The following COL18A1 variants were observed in gnomAD, a reference collection of about 807,000 sequenced individuals.
COL18A1 encodes the protein collagen type XVIII alpha 1 chain, also known as collagen alpha-1(XVIII) chain.
A neutral mutation model predicts 168.0 loss-of-function variants in COL18A1; 133 were observed. The ratio of observed to expected loss-of-function variants is 0.79; its 90% CI spans 0.69 to 0.91. COL18A1 has a LOEUF of 0.91. COL18A1 is among the 40% of genes least tolerant of loss of function. COL18A1 has a pLI of 0.00. For synonymous variants in COL18A1, 949 were observed against 809.0 expected, an observed-to-expected ratio of 1.17 and a Z score of -2.94; for missense variants, 2,126 against 1,925.4, an observed-to-expected ratio of 1.10 and a Z score of -1.95.
intron 2 of COL18A1, among the ~76,000 whole-genome samples, chr21:45,440,054 C>T (rs2034327647): frequency 6.6e-6 from 1 of 152,242 alleles, no homozygotes; most frequent in South Asian, 2.1e-4. Flanking sequence ...CCGTGGGCCG[C>T]ATGGGCGGAG....
In COL18A1 at chr21:45,478,482, A is replaced by T. The variant is rs1481782697; in HGVS notation, c.1248+129A>T. On this transcript the variant is annotated intron_variant, in intron 9 of 41. Transcript: ENST00000651438. ...AGACTGTACAGCAAAACCATTTTGAAAGTGGAATTTTGTAAAGAAAAGATG... is the reference window on the plus strand; with the variant it reads ...AGACTGTACAGCAAAACCATTTTGATAGTGGAATTTTGTAAAGAAAAGATG... The T allele has an allele frequency of 3.2e-6, 4 of 1,249,478 alleles. No homozygotes were observed. In the East Asian group the frequency reaches 9.3e-5, roughly 29 times the overall value. 77.4% of individuals were successfully genotyped at this position (1,249,478 alleles called of 1,614,324 possible).
chr21:45,505,769 T>C (rs2037163890), intron 36 of COL18A1, 69 bp from the exon 37 acceptor site: 1 of 1,231,172 alleles, frequency 8.1e-7, no homozygotes. Flanking sequence ...GAAACGGGCA[T>C]TCCTTCCTTC....
intron 2 of COL18A1, among the ~76,000 whole-genome samples, chr21:45,417,068 T>A (rs1442380110): frequency 6.6e-6 from 1 of 152,244 alleles, no homozygotes; most frequent in East Asian, 1.9e-4. Flanking sequence ...CTTTTCTGAC[T>A]GTCGGTGTTC....
At chr21:45,508,516 T>C (rs4364095) in intron 38 of COL18A1, among the ~76,000 whole-genome samples, 1 of 145,748 alleles carries the variant, frequency 6.9e-6, no homozygotes, top group Non-Finnish European at 1.5e-5. Flanking sequence ...GTAAGTGGGT[T>C]AGTGGATGGG....
intron 2 of COL18A1, among the ~76,000 whole-genome samples, chr21:45,450,581 C>T (rs924931389): frequency 2.0e-5 from 3 of 152,210 alleles, no homozygotes; most frequent in African/African-American, 7.2e-5. Flanking sequence ...AAAGACCACA[C>T]TATTTAGGAA....
chr21:45,408,976 C>T (rs1039826911), intron 2 of COL18A1, among the ~76,000 whole-genome samples: 1 of 152,210 alleles, frequency 6.6e-6, no homozygotes, highest in African/African-American at 2.4e-5. Flanking sequence ...GCCTTTGTGC[C>T]GGCACTGGCT....
intron 13 of COL18A1, among the ~76,000 whole-genome samples, chr21:45,481,100 CCTCCGACCTCTCTGGCCCTGTGGGT>C (rs1299817526): frequency 6.6e-6 from 1 of 152,208 alleles, no homozygotes; most frequent in African/African-American, 2.4e-5. Context: ...GCAAGCAAGG[CCTCCGACCTCTCTGGCCCTGTGGGT>C]CCACGGACTG....
In COL18A1 at chr21:45,475,513, G is replaced by T. The variant is rs62000965; in HGVS notation, c.776G>T (p.Arg259Leu). The T allele has an allele frequency of 3.6e-3, 5,839 of 1,607,134 alleles. 196 individuals carry two copies. The African/African-American group carries it at 0.069, about 19-fold the overall frequency. Residue 259 changes from arginine (R) to leucine (L), a missense_variant, in exon 5 of 42, where the codon CGG (arginine) becomes CTG (leucine). Transcript: ENST00000651438. ...TCTGGCAGCGGGCTCGGGGACGCCC[G>T]GGAGCTTCTCAGGGAGGAGACGGTG... is the stretch of plus-strand genomic sequence containing the variant. Reference protein sequence around the residue: ...GDSGSGLGDARELLREETGAA... With the variant: ...GDSGSGLGDALELLREETGAA...
rs1023704366 is a variant in COL18A1, at chr21:45,439,282, G to A, written c.107-28960G>A. 3.9e-5 allele frequency among the ~76,000 whole-genome samples: 6 copies of A among 152,360 alleles called. No individual in the cohort carries two copies. The South Asian group carries it at 6.2e-4, about 16-fold the overall frequency. ...GCAGGCCTGGACCGCCCGAGTGGCC[G>A]TGGTCCAGGGGCGCGGAGGGCGCAG... On this transcript the variant is annotated intron_variant, in intron 2 of 41. Coordinates refer to ENST00000651438, the MANE Select transcript of COL18A1 (RefSeq NM_001379500.1).
At chr21:45,491,149 C>T in intron 21 of COL18A1, 76 bp from the exon 22 acceptor site, 1 of 1,343,434 alleles carries the variant, frequency 7.4e-7, no homozygotes, top group Non-Finnish European at 1.1e-6. Context: ...GGCACCCCCT[C>T]CAGGGCTGGG....
intron 16 of COL18A1, 122 bp from the exon 17 acceptor site, chr21:45,487,325 C>T (rs2036150022): frequency 8.4e-7 from 1 of 1,184,538 alleles, no homozygotes; most frequent in African/African-American, 1.5e-5. Flanking sequence ...AGAACGGCGG[C>T]TCCCCAGGCC....
At position 45,483,254 on chromosome 21, in the gene COL18A1, C is replaced by A. The variant is rs538839058; in HGVS notation, c.1701+433C>A. Among the ~76,000 whole-genome samples, 26 of 152,230 alleles carry A rather than the reference C, an allele frequency of 1.7e-4. 1 individual carries two copies. In the East Asian group the frequency reaches 5.0e-3, roughly 29 times the overall value. ...CCCCAACATCCCCCCATAGGGGAGC[C>A]CCATCCACCCGTCCCGCAGGCTCAT... On this transcript the variant is annotated intron_variant, in intron 15 of 41. Transcript: ENST00000651438.
chr21:45,500,955 GGTGTGT>G (rs781188737), intron 32 of COL18A1, among the ~76,000 whole-genome samples: 3 of 20,662 alleles, frequency 1.5e-4, no homozygotes, highest in African/African-American at 1.8e-4. Context: ...GGTGTGGTTT[GGTGTGT>G]GTGTGTTGGG....
Position 45,481,983 on chromosome 21 carries a change from AAG to A in COL18A1, c.1637_1638del (p.Glu546GlyfsTer14), listed in dbSNP as rs1335274294. On this transcript the variant is annotated frameshift_variant, in exon 14 of 42. Coordinates refer to ENST00000651438, the MANE Select transcript of COL18A1 (RefSeq NM_001379500.1). LOFTEE classifies it high-confidence loss of function. Reference sequence around the variant, plus strand: ...CCCAGGGACCCCCAGGCCCTCCGGGAAGAGAGGGGCCCCCAGGAAGGACTGGG... The same window carrying A: ...CCCAGGGACCCCCAGGCCCTCCGGGAAGAGGGGCCCCCAGGAAGGACTGGG... ...GLPGPPGPPG[R>X]EGPPGRTGQK... 6.2e-7 allele frequency: 1 copy of A among 1,613,122 alleles called. No homozygotes were observed. The highest frequency in any genetic ancestry group is 1.7e-5 in the Admixed American group (1 of 60,016).
At chr21:45,410,255 G>T (rs1239210608) in intron 2 of COL18A1, among the ~76,000 whole-genome samples, 1 of 62,058 alleles carries the variant, frequency 1.6e-5, no homozygotes, top group African/African-American at 7.1e-5. Context: ...CCACCTCGGG[G>T]CTGATCCCCT....
intron 11 of COL18A1, 92 bp from the exon 12 acceptor site, chr21:45,480,375 G>A: frequency 6.2e-7 from 1 of 1,609,758 alleles, no homozygotes. Context: ...TGTAGAAACA[G>A]CTCGATATGC....
intron 36 of COL18A1, among the ~76,000 whole-genome samples, 193 bp from the exon 37 acceptor site, chr21:45,505,645 A>G (rs1313272475): frequency 6.6e-6 from 1 of 152,216 alleles, no homozygotes; most frequent in Admixed American, 6.5e-5. Flanking sequence ...GGGCCTGTAC[A>G]TTGTCCACGG....
In COL18A1 at chr21:45,509,564, G is replaced by A; in HGVS notation, c.3458G>A (p.Ser1153Asn). 2.0e-6 allele frequency: 3 copies of A among 1,529,968 alleles called. No individual in the cohort carries two copies. The highest frequency in any genetic ancestry group is 2.6e-6 in the Non-Finnish European group (3 of 1,140,488). 94.8% of individuals were successfully genotyped at this position (1,529,968 alleles called of 1,614,324 possible). A position where few individuals can be genotyped will look rare whatever the true frequency, so the allele number is the denominator to read the frequency against. Reference sequence around the variant, plus strand: ...CACCTGCGGCCGGCGCGACCCACAAGCCCACCCGCCCACAGCCACCGCGAC... The same window carrying A: ...CACCTGCGGCCGGCGCGACCCACAAACCCACCCGCCCACAGCCACCGCGAC... Reference protein sequence around the residue: ...YVHLRPARPTSPPAHSHRDFQ... With the variant: ...YVHLRPARPTNPPAHSHRDFQ... The change falls in exon 39 of 42, where the codon AGC becomes AAC. Residue 1153 changes from serine (S) to asparagine (N), a missense_variant. Transcript: ENST00000651438.
In COL18A1 at chr21:45,487,462, T is replaced by C. The variant is rs542969539; in HGVS notation, c.1849T>C (p.Ser617Pro). ...LPAGFDDMEG[S>P]GGPFWSTARS... ...TCTCTTCCAGGATGACATGGAAGGC[T>C]CCGGGGGGCCCTTCTGGTCAACAGC... The change falls in exon 17 of 42, where the codon TCC becomes CCC. Residue 617 changes from serine to proline, a missense_variant. Transcript: ENST00000651438. 3.1e-6 allele frequency: 5 copies of C among 1,613,008 alleles called. No individual in the cohort carries two copies. The East Asian group carries it at 1.1e-4, about 36-fold the overall frequency.
Sources: allele counts gnomAD v4.1 joint callset (sites outside exome capture counted in the v4.1 genomes callset), GRCh38; gene constraint gnomAD v4.1.1; transcripts MANE v1.5; gene names NCBI Gene and HGNC (gene_info 2026-07-23, HGNC 2026-07-21).